PRIMA1: variants seen among roughly 807,000 people sequenced by gnomAD.
PRIMA1 encodes proline-rich membrane anchor 1.
A neutral mutation model predicts 17.5 loss-of-function variants in PRIMA1; 7 were observed. The observed-to-expected ratio is 0.40, with a 90% confidence interval of 0.23 to 0.75. The LOEUF (loss-of-function observed/expected upper bound fraction) is 0.75. Among genes scored for constraint, PRIMA1 ranks in the 30% least tolerant of loss-of-function variants. PRIMA1 has a pLI of 0.37. For missense variants in PRIMA1, 200 were observed against 201.8 expected (o/e 0.99, Z 0.05); for synonymous variants, 97 against 77.9 (o/e 1.25, Z -1.29).
At chr14:93,746,202 G>A (rs2076216882) in intron 3 of PRIMA1, among the ~76,000 whole-genome samples, 1 of 152,102 alleles carries the variant, frequency 6.6e-6, no homozygotes, top group South Asian at 2.1e-4. Flanking sequence ...AGTCTGCTGG[G>A]GGCTCCTGGG....
In PRIMA1 at chr14:93,727,204, G is replaced by C. The variant is rs375896266; in HGVS notation, c.360-5658C>G. Among the ~76,000 whole-genome samples, 24 of 152,286 alleles carry C rather than the reference G, an allele frequency of 1.6e-4. No individual in the cohort carries two copies. The South Asian group carries it at 5.0e-3, about 32-fold the overall frequency. On this transcript the variant is annotated intron_variant, in intron 4 of 4. Transcript: ENST00000393140. ...TGTTTGGCCGCCTCCGCTGAGCTGC[G>C]GCGGAACTGGCGACTGTGCATTTCT...
chr14:93,768,223 C>T (rs530689743), intron 3 of PRIMA1, among the ~76,000 whole-genome samples: 2 of 152,202 alleles, frequency 1.3e-5, no homozygotes, highest in East Asian at 3.9e-4. Flanking sequence ...GACACAGAAC[C>T]CCTGGAGGGC....
At chr14:93,779,459 G>T (rs1258077852) in intron 2 of PRIMA1, 148 bp from the exon 3 acceptor site, 4 of 676,612 alleles carry the variant, frequency 5.9e-6, no homozygotes, top group Non-Finnish European at 9.5e-6. Flanking sequence ...ACAGAAGTCG[G>T]ATTGGTTCAA....
At chr14:93,756,586 C>G (rs1214313006) in intron 3 of PRIMA1, among the ~76,000 whole-genome samples, 3 of 151,980 alleles carry the variant, frequency 2.0e-5, no homozygotes, top group Non-Finnish European at 4.4e-5. Flanking sequence ...ATTGATCAGT[C>G]CCATGCCTTC....
chr14:93,766,034 A>G (rs1206799830), intron 3 of PRIMA1, among the ~76,000 whole-genome samples: 1 of 152,378 alleles, frequency 6.6e-6, no homozygotes, highest in South Asian at 2.1e-4. Context: ...CTTTGCACTC[A>G]GGGCCACACA....
chr14:93,758,133 G>T (rs1437985156), intron 3 of PRIMA1, among the ~76,000 whole-genome samples: 1 of 152,164 alleles, frequency 6.6e-6, no homozygotes, highest in African/African-American at 2.4e-5. Context: ...GCTTCCTCCT[G>T]GGTACACCCC....
intron 3 of PRIMA1, 70 bp from the exon 4 acceptor site, chr14:93,737,440 C>T: frequency 6.4e-7 from 1 of 1,564,476 alleles, no homozygotes; most frequent in Middle Eastern, 1.8e-4. Context: ...GAGGTGGGAC[C>T]ATCATGGGTG....
At chr14:93,765,830 G>A (rs1001884476) in intron 3 of PRIMA1, among the ~76,000 whole-genome samples, 6 of 152,104 alleles carry the variant, frequency 3.9e-5, no homozygotes, top group Non-Finnish European at 8.8e-5. Context: ...CAGTTCTCAG[G>A]ACCCTCATGC....
intron 4 of PRIMA1, among the ~76,000 whole-genome samples, chr14:93,733,459 C>CA (rs749412041): frequency 6.6e-6 from 1 of 152,178 alleles, no homozygotes; most frequent in Non-Finnish European, 1.5e-5. Context: ...TCCACAGCTG[C>CA]AACTCAGCCC....
intron 3 of PRIMA1, among the ~76,000 whole-genome samples, chr14:93,776,042 C>T (rs1885212483): frequency 6.6e-6 from 1 of 152,160 alleles, no homozygotes; most frequent in Admixed American, 6.5e-5. Context: ...AGGTCTCTTC[C>T]TAGGGATATT....
At chr14:93,735,481 C>G (rs1256948936) in intron 4 of PRIMA1, among the ~76,000 whole-genome samples, 1 of 152,162 alleles carries the variant, frequency 6.6e-6, no homozygotes, top group Non-Finnish European at 1.5e-5. Flanking sequence ...TGGTCCAGAT[C>G]AGAATGCACC....
intron 3 of PRIMA1, among the ~76,000 whole-genome samples, chr14:93,774,337 C>T (rs1885148318): frequency 6.6e-6 from 1 of 152,148 alleles, no homozygotes; most frequent in Non-Finnish European, 1.5e-5. Context: ...AGGGGCAGGG[C>T]AGCAGCAGGT....
Position 93,729,671 on chromosome 14 carries a change from C to T in PRIMA1, c.359+7570G>A, listed in dbSNP as rs577666788. On this transcript the variant is annotated intron_variant, in intron 4 of 4. Transcript: ENST00000393140. ...ATCAGCTGAAGGCCAGAGCAGGCAA[C>T]GAGGGAGAGAGGGCTGGGTTGGCCC... 8.7e-4 allele frequency among the ~76,000 whole-genome samples: 132 copies of T among 152,258 alleles called. 3 individuals carry two copies. In the South Asian group the frequency reaches 0.026, roughly 29 times the overall value.
chr14:93,749,359 C>T (rs934383441), intron 3 of PRIMA1, among the ~76,000 whole-genome samples: 1 of 152,214 alleles, frequency 6.6e-6, no homozygotes, highest in Non-Finnish European at 1.5e-5. Context: ...TCGCTCAATA[C>T]ACATCTGTTA....
rs199535476 is a variant in PRIMA1, at chr14:93,721,528, G to A, written c.378C>T (p.Asp126=). 136 of 1,613,230 alleles carry A rather than the reference G, an allele frequency of 8.4e-5. No homozygotes were observed. Among genetic ancestry groups the A allele is most frequent in the Admixed American group, 1.3e-4 (8 of 59,960 alleles). ...ACTCAGCAACGCTGGTGCCATTTTC[G>A]TCTTTTCTCAGTGGTTTCCTGGAAG... is the stretch of plus-strand genomic sequence containing the variant. ...KAIKRKPLRK[D]ENGTSVAEYP... The change falls in exon 5 of 5, where the codon GAC becomes GAT. Residue 126 remains aspartate, a synonymous_variant. Coordinates refer to ENST00000393140, the MANE Select transcript of PRIMA1 (RefSeq NM_178013.4).
chr14:93,787,022 T>TG (rs11409529), intron 2 of PRIMA1, among the ~76,000 whole-genome samples: 47,703 of 151,852 alleles, frequency 0.31, 7,843 homozygotes, highest in Middle Eastern at 0.44. Flanking sequence ...ATGCGCATTC[T>TG]GGGGGGGACT....
intron 4 of PRIMA1, among the ~76,000 whole-genome samples, chr14:93,734,800 C>T (rs1222518722): frequency 6.6e-6 from 1 of 152,164 alleles, no homozygotes; most frequent in East Asian, 1.9e-4. Flanking sequence ...TCCACTGAGC[C>T]ATCTGGGATG....
intron 3 of PRIMA1, among the ~76,000 whole-genome samples, chr14:93,758,507 G>A (rs10873437): frequency 0.55 from 82,314 of 148,992 alleles, 23,229 homozygotes; most frequent in African/African-American, 0.7. Context: ...GCTGAGGCAC[G>A]AAAATTGCTT....
At chr14:93,782,531 G>C (rs1885412705) in intron 2 of PRIMA1, among the ~76,000 whole-genome samples, 1 of 151,330 alleles carries the variant, frequency 6.6e-6, no homozygotes, top group Admixed American at 6.6e-5. Flanking sequence ...TGAGGTGGGA[G>C]GATTGCTTGA....
Sources: gnomAD v4.1 joint callset for allele counts (sites outside exome capture counted in the v4.1 genomes callset) on GRCh38, gnomAD v4.1.1 for gene constraint, MANE v1.5 for transcripts, NCBI Gene and HGNC (gene_info 2026-07-23, HGNC 2026-07-21) for gene names.